Variants in GCNT2 observed in about 807,000 individuals in gnomAD.
GCNT2 encodes glucosaminyl (N-acetyl) transferase 2 (I blood group).
Under a neutral mutation model 34.2 loss-of-function variants are expected in GCNT2, and 34 were observed. That is an observed-to-expected ratio of 1.00 (90% CI 0.76 to 1.32). The LOEUF is 1.32. Among genes scored for constraint, GCNT2 ranks in the 40% most tolerant of loss-of-function variants. GCNT2 has a pLI of 0.00. For missense variants in GCNT2, 584 were observed against 489.4 expected (o/e 1.19, Z -1.82); for synonymous variants, 212 against 188.0 (o/e 1.13, Z -1.04).
intron 3 of GCNT2, among the ~76,000 whole-genome samples, chr6:10,531,636 G>T (rs2113525263): frequency 6.6e-6 from 1 of 152,314 alleles, no homozygotes; most frequent in South Asian, 2.1e-4. Flanking sequence ...CTCAGAGCCA[G>T]AAGGGGAAGT....
intron 3 of GCNT2, among the ~76,000 whole-genome samples, chr6:10,615,202 C>T (rs966783378): frequency 1.3e-5 from 2 of 152,142 alleles, no homozygotes; most frequent in Non-Finnish European, 1.5e-5. Context: ...GCTGCATCCT[C>T]CTCCCAGTGT....
At chr6:10,574,635 T>C (rs1436861531) in intron 3 of GCNT2, 2 of 266,910 alleles carry the variant, frequency 7.5e-6, no homozygotes, top group Admixed American at 4.7e-5. Flanking sequence ...CAGTGAACTA[T>C]AGACCATGGG....
At chr6:10,622,218 C>T (rs1228958690) in intron 4 of GCNT2, among the ~76,000 whole-genome samples, 1 of 152,230 alleles carries the variant, frequency 6.6e-6, no homozygotes, top group Non-Finnish European at 1.5e-5. Flanking sequence ...CTGGCACACA[C>T]TGCATTCAGA....
At chr6:10,581,445 T>C (rs578041144) in intron 3 of GCNT2, among the ~76,000 whole-genome samples, 1 of 152,196 alleles carries the variant, frequency 6.6e-6, no homozygotes, top group African/African-American at 2.4e-5. Flanking sequence ...TAATTTTGTA[T>C]TTTTAGTAGA....
At chr6:10,563,637 G>A (rs1177509257) in intron 3 of GCNT2, among the ~76,000 whole-genome samples, 1 of 151,508 alleles carries the variant, frequency 6.6e-6, no homozygotes, top group Non-Finnish European at 1.5e-5. Context: ...AGCTACTTGG[G>A]AGGCTGAGGC....
At chr6:10,542,590 C>A (rs1166432691) in intron 3 of GCNT2, among the ~76,000 whole-genome samples, 2 of 152,192 alleles carry the variant, frequency 1.3e-5, no homozygotes, top group African/African-American at 4.8e-5. Context: ...TTCATATTAA[C>A]CAAATCATAC....
intron 3 of GCNT2, among the ~76,000 whole-genome samples, chr6:10,546,406 C>A (rs1762270781): frequency 6.6e-6 from 1 of 152,272 alleles, no homozygotes; most frequent in Middle Eastern, 3.4e-3. Context: ...TGACTGTAAT[C>A]CCAGCACTTT....
intron 3 of GCNT2, among the ~76,000 whole-genome samples, chr6:10,555,530 C>T (rs1002840184): frequency 4.6e-5 from 7 of 152,166 alleles, no homozygotes; most frequent in African/African-American, 1.2e-4. Flanking sequence ...CAAATTATTT[C>T]CCATGAAGCT....
rs750266137 is a variant in GCNT2 at position 10,623,566 on chromosome 6, A to G, written c.1018+2123A>G. ...CGGCCTCCCAAAGTGCTGGGATTAC[A>G]GGCATGAGCCACCGCACCCGGCCTG... On this transcript the variant is annotated intron_variant, in intron 4 of 4. Coordinates refer to ENST00000495262, the MANE Select transcript of GCNT2 (RefSeq NM_145649.5). 6.6e-5 allele frequency among the ~76,000 whole-genome samples: 10 copies of G among 152,350 alleles called. No homozygotes were observed. In the South Asian group the frequency reaches 2.1e-3, roughly 32 times the overall value.
At position 10,589,082 on chromosome 6, in the gene GCNT2, T is replaced by G. The variant is rs1419575049; in HGVS notation, c.926-32269T>G. ...GGTGTGTGTGTAGTGTGTGGCGTGT[T>G]TGTAGTGTGGTGTGTGTGTAGTGTG... On this transcript the variant is annotated intron_variant, in intron 3 of 4. Coordinates refer to ENST00000495262, the MANE Select transcript of GCNT2 (RefSeq NM_145649.5). 9.8e-4 allele frequency among the ~76,000 whole-genome samples: 130 copies of G among 132,970 alleles called. 2 individuals are homozygous for G. Among genetic ancestry groups the G allele is most frequent in the African/African-American group, 3.4e-3 (121 of 35,548 alleles). The allele number at this position is 132,970 out of a possible 152,430, so 87.2% of individuals were successfully genotyped here.
chr6:10,572,101 C>T (rs1225711682), intron 3 of GCNT2, among the ~76,000 whole-genome samples: 1 of 152,158 alleles, frequency 6.6e-6, no homozygotes, highest in African/African-American at 2.4e-5. Flanking sequence ...TTCTGGGAAA[C>T]CCCTCAGCTC....
chr6:10,573,583 T>A (rs1415271984), intron 3 of GCNT2, among the ~76,000 whole-genome samples: 1 of 152,220 alleles, frequency 6.6e-6, no homozygotes, highest in East Asian at 1.9e-4. Context: ...TACTACTGCC[T>A]TTTAAAAATT....
At chr6:10,542,625 T>A (rs1237018307) in intron 3 of GCNT2, among the ~76,000 whole-genome samples, 1 of 152,218 alleles carries the variant, frequency 6.6e-6, no homozygotes, top group Non-Finnish European at 1.5e-5. Context: ...CATGCGTAGC[T>A]CCTTTTACTT....
At chr6:10,612,453 A>G (rs151218565) in intron 3 of GCNT2, among the ~76,000 whole-genome samples, 257 of 152,292 alleles carry the variant, frequency 1.7e-3, no homozygotes, top group African/African-American at 5.8e-3. Context: ...TAAACATCCT[A>G]AACGACATAG....
At chr6:10,553,978 C>T (rs1762587409) in intron 3 of GCNT2, among the ~76,000 whole-genome samples, 1 of 152,182 alleles carries the variant, frequency 6.6e-6, no homozygotes. Context: ...TCTAAGATGG[C>T]CCCAGGGGAG....
chr6:10,573,350 A>ATTGTTGTTG (rs3064207), intron 3 of GCNT2: 64 of 871,240 alleles, frequency 7.3e-5, no homozygotes, highest in African/African-American at 1.3e-4. Context: ...TGTGGGTTTT[A>ATTGTTGTTG]TTGTTGTTGT....
Position 10,567,172 on chromosome 6 carries a change from G to A in GCNT2, c.925+37336G>A, listed in dbSNP as rs76906452. Among the ~76,000 whole-genome samples the A allele has an allele frequency of 1.5e-3, 234 of 152,146 alleles. 3 individuals are homozygous for A. The East Asian group carries it at 0.044, about 29-fold the overall frequency. ...CATCTCAACAAAAAAATAATAAAAT[G>A]AAATTGGCCAAGTCTGGTGACACAC... On this transcript the variant is annotated intron_variant, in intron 3 of 4. Transcript: ENST00000495262.
intron 3 of GCNT2, among the ~76,000 whole-genome samples, chr6:10,582,853 G>C (rs917758032): frequency 6.6e-6 from 1 of 151,922 alleles, no homozygotes; most frequent in Admixed American, 6.6e-5. Flanking sequence ...CATCTACCAG[G>C]TGCCCGGATT....
intron 3 of GCNT2, among the ~76,000 whole-genome samples, chr6:10,553,708 A>G (rs1315825468): frequency 1.3e-5 from 2 of 152,328 alleles, no homozygotes; most frequent in East Asian, 1.9e-4. Context: ...AGCTTGGCCA[A>G]CGTGGCGAAA....
Sources: allele counts gnomAD v4.1 joint callset (sites outside exome capture counted in the v4.1 genomes callset), GRCh38; gene constraint gnomAD v4.1.1; transcripts MANE v1.5; gene names NCBI Gene and HGNC (gene_info 2026-07-23, HGNC 2026-07-21).